Variants in SENP7 observed in about 807,000 individuals in gnomAD.
SENP7 encodes the protein SUMO specific peptidase 7.
SENP7 carries 64 observed loss-of-function variants against 141.2 expected under a neutral mutation model. The observed-to-expected ratio is 0.45, with a 90% CI of 0.37 to 0.56. The LOEUF is 0.56. SENP7 is among the 20% of genes least tolerant of loss of function. The pLI is 0.00. For missense variants in SENP7, 1,025 were observed against 1,212.2 expected (o/e 0.85, Z 2.29); for synonymous variants, 382 against 426.4 (o/e 0.90, Z 1.28).
chr3:101,341,561 A>C, intron 15 of SENP7, 85 bp downstream of exon 15: 6 of 1,213,866 alleles, frequency 4.9e-6, no homozygotes, highest in Non-Finnish European at 6.5e-6. Flanking sequence ...AAAACATTTC[A>C]AAAGTTAAAC....
chr3:101,350,981 AG>A (rs1280490430), intron 12 of SENP7, among the ~76,000 whole-genome samples: 4 of 151,986 alleles, frequency 2.6e-5, no homozygotes, highest in Non-Finnish European at 4.4e-5. Context: ...ATCCAACTAA[AG>A]CTACTTTGAT....
chr3:101,507,667 A>T (rs1457166974), intron 1 of SENP7, among the ~76,000 whole-genome samples: 1 of 39,884 alleles, frequency 2.5e-5, no homozygotes, highest in Admixed American at 4.1e-4. Flanking sequence ...GGGGGAAGAC[A>T]AAAAAAAAAT....
At chr3:101,358,294 C>T (rs2059798303) in intron 11 of SENP7, 2 of 1,058,612 alleles carry the variant, frequency 1.9e-6, no homozygotes, top group African/African-American at 1.6e-5. Flanking sequence ...TTAACTGGTC[C>T]TCAGCCCTTA....
chr3:101,423,231 G>A (rs1027436198), intron 4 of SENP7, among the ~76,000 whole-genome samples: 1 of 152,074 alleles, frequency 6.6e-6, no homozygotes, highest in Middle Eastern at 3.4e-3. Flanking sequence ...TAAAAAAGAG[G>A]AAGGAACAAA....
At chr3:101,512,124 A>T (rs1320026723) in intron 1 of SENP7, among the ~76,000 whole-genome samples, 1 of 152,170 alleles carries the variant, frequency 6.6e-6, no homozygotes, top group Non-Finnish European at 1.5e-5. Flanking sequence ...CCGGCCAATA[A>T]ATCTGTAATT....
chr3:101,399,345 T>A (rs2061064982), intron 5 of SENP7, among the ~76,000 whole-genome samples: 1 of 152,234 alleles, frequency 6.6e-6, no homozygotes, highest in Admixed American at 6.5e-5. Flanking sequence ...TAACAAATTC[T>A]TCTCTAAAAA....
intron 5 of SENP7, among the ~76,000 whole-genome samples, chr3:101,402,616 C>CAAAAAAA (rs58525002): frequency 0.014 from 1,280 of 93,370 alleles, 76 homozygotes; most frequent in Admixed American, 0.04. Flanking sequence ...GACTCCGTCT[C>CAAAAAAA]AAAAAAAAAA....
At chr3:101,479,892 CAAAAAAAAAAAAAAA>C (rs1168285268) in intron 3 of SENP7, among the ~76,000 whole-genome samples, 1 of 7,338 alleles carries the variant, frequency 1.4e-4, no homozygotes, top group African/African-American at 6.1e-4. Context: ...ACAACAGCTA[CAAAAAAAAAAAAAAA>C]AAAAAAAAAA....
chr3:101,413,714 G>T (rs1339581774), intron 5 of SENP7, among the ~76,000 whole-genome samples: 2 of 148,308 alleles, frequency 1.3e-5, no homozygotes, highest in Non-Finnish European at 3.0e-5. Context: ...ATCAAGGAAG[G>T]CTTCCTTAAA....
At chr3:101,430,351 G>A (rs553702243) in intron 4 of SENP7, among the ~76,000 whole-genome samples, 2 of 152,214 alleles carry the variant, frequency 1.3e-5, no homozygotes, top group African/African-American at 2.4e-5. Flanking sequence ...ATTAGTTATT[G>A]CCTCAATTTC....
chr3:101,371,380 T>G (rs1336605110), intron 7 of SENP7, among the ~76,000 whole-genome samples: 1 of 152,180 alleles, frequency 6.6e-6, no homozygotes, highest in African/African-American at 2.4e-5. Context: ...AAGCTATCAA[T>G]AATCCAACAG....
intron 4 of SENP7, among the ~76,000 whole-genome samples, chr3:101,422,149 A>G (rs982170512): frequency 7.9e-5 from 12 of 152,162 alleles, no homozygotes; most frequent in East Asian, 1.9e-4. Flanking sequence ...TGAACTTCAC[A>G]TGCGAGGGAT....
chr3:101,365,492 C>T lies in SENP7; in HGVS notation c.1319-501G>A, dbSNP rs986045254. Among the ~76,000 whole-genome samples, 6 of 151,000 alleles carry T rather than the reference C, an allele frequency of 4.0e-5. No individual in the cohort carries two copies. The East Asian group carries it at 1.0e-3, about 25-fold the overall frequency. On this transcript the variant is annotated intron_variant, in intron 9 of 23. Coordinates refer to ENST00000394095, the MANE Select transcript of SENP7 (RefSeq NM_020654.5). ...CTCTAGCAAAAATACAAAAATTAGC[C>T]GGGCATGGTGGTACATGCCTATAAT...
chr3:101,388,503 C>T (rs2060722208), intron 6 of SENP7, among the ~76,000 whole-genome samples: 1 of 152,162 alleles, frequency 6.6e-6, no homozygotes, highest in Non-Finnish European at 1.5e-5. Flanking sequence ...AAAAAGTTTC[C>T]CTACAAAAGC....
At chr3:101,409,119 CTCT>C (rs2061385305) in intron 5 of SENP7, among the ~76,000 whole-genome samples, 1 of 152,146 alleles carries the variant, frequency 6.6e-6, no homozygotes, top group African/African-American at 2.4e-5. Context: ...AAATCAGCAG[CTCT>C]TCTATACACC....
At chr3:101,452,930 C>G (rs2063201322) in intron 4 of SENP7, among the ~76,000 whole-genome samples, 4 of 152,142 alleles carry the variant, frequency 2.6e-5, no homozygotes, top group Non-Finnish European at 4.4e-5. Context: ...GAACAGGCAA[C>G]CTACAGAATG....
chr3:101,446,866 A>G (rs2062916957), intron 4 of SENP7, among the ~76,000 whole-genome samples: 1 of 152,188 alleles, frequency 6.6e-6, no homozygotes, highest in South Asian at 2.1e-4. Flanking sequence ...TAGAAAAGCA[A>G]GAACAAACAT....
chr3:101,340,029 G>T (rs1394274996), intron 16 of SENP7, 66 bp downstream of exon 16: 46 of 1,461,172 alleles, frequency 3.1e-5, no homozygotes, highest in Non-Finnish European at 4.0e-5. Context: ...CAGAGATAAA[G>T]ACATTTATTT....
chr3:101,457,423 G>A, intron 4 of SENP7: 1 of 1,555,008 alleles, frequency 6.4e-7, no homozygotes. Flanking sequence ...ATGTTGGGTA[G>A]CATTTCTGTC....
Sources: gnomAD v4.1 joint callset for allele counts (sites outside exome capture counted in the v4.1 genomes callset) on GRCh38, gnomAD v4.1.1 for gene constraint, MANE v1.5 for transcripts, NCBI Gene and HGNC (gene_info 2026-07-23, HGNC 2026-07-21) for gene names.